JAG2: variants seen among roughly 807,000 people sequenced by gnomAD.
The protein encoded by JAG2 is protein jagged-2.
JAG2 carries 46 observed loss-of-function variants against 141.7 expected under a neutral mutation model. That is an observed-to-expected ratio of 0.32 (90% confidence interval 0.26 to 0.42). The LOEUF (loss-of-function observed/expected upper bound fraction) is 0.42, where lower values mean the gene tolerates loss of function less well. Among genes scored for constraint, JAG2 ranks in the 10% least tolerant of loss-of-function variants. The pLI is 1.00. For missense variants in JAG2, 1,500 were observed against 1,817.5 expected, an observed-to-expected ratio of 0.83 and a Z score of 3.18; for synonymous variants, 862 against 763.5, an observed-to-expected ratio of 1.13 and a Z score of -2.13.
At position 105,151,392 on chromosome 14, in the gene JAG2, G is replaced by C. The variant is rs766629604; in HGVS notation, c.1158C>G (p.Ile386Met). The change falls in exon 9 of 26, where the codon ATC (isoleucine) becomes ATG (methionine). Residue 386 changes from isoleucine (I) to methionine (M), a missense_variant. Physicochemically the swap from Ile to Met is conservative, Grantham distance 10. This residue lies in a region of JAG2 where 875 missense variants were observed against 1,202.2 expected (regional missense o/e 0.73). Transcript: ENST00000331782. ...CACACGGGTTCGAAGCACACTCATC[G>C]ATGTCTGCAGAGGGTGGAGAAAGGT... ...GWSGPTCALD[I>M]DECASNPCAA... 3.1e-6 allele frequency: 5 copies of C among 1,610,070 alleles called. No homozygotes were observed. The highest frequency in any genetic ancestry group is 2.2e-5 in the South Asian group (2 of 91,064).
chr14:105,143,316 C>T (rs867886415), intron 25 of JAG2, 146 bp from the exon 26 acceptor site: 174 of 1,309,552 alleles, frequency 1.3e-4, no homozygotes, highest in Non-Finnish European at 1.7e-4. Flanking sequence ...GGTCCCAGGA[C>T]GGGGGCTGGG....
At chr14:105,163,465 GC>G (rs1888817472) in intron 2 of JAG2, among the ~76,000 whole-genome samples, 1 of 152,292 alleles carries the variant, frequency 6.6e-6, no homozygotes, top group Non-Finnish European at 1.5e-5. Flanking sequence ...GCCAGGGCCG[GC>G]TAGCACCTGC....
At chr14:105,145,371 G>A (rs1012753528) in intron 23 of JAG2, among the ~76,000 whole-genome samples, 1 of 152,190 alleles carries the variant, frequency 6.6e-6, no homozygotes, top group Non-Finnish European at 1.5e-5. Flanking sequence ...GGGAGACAGG[G>A]GCCCAGCTCC....
rs781019423 is a variant in JAG2 at position 105,168,070 on chromosome 14, C to T, written c.104G>A (p.Ser35Asn). 2 of 1,589,024 alleles carry T rather than the reference C, an allele frequency of 1.3e-6. No individual in the cohort carries two copies. Among genetic ancestry groups the T allele is most frequent in the Non-Finnish European group, 1.7e-6 (2 of 1,175,274 alleles). Residue 35 changes from serine to asparagine, a missense_variant, in exon 2 of 26, where the codon AGC becomes AAC. Physicochemically the swap from Ser to Asn is conservative, Grantham distance 46. Around this residue, in one of 3 missense-constraint regions of JAG2, gnomAD observed 200 missense variants for 174.3 expected, o/e 1.15. Transcript: ENST00000331782. The part of the protein sequence containing the change: ...RPMGYFELQL[S>N]ALRNVNGELL... ...CTCCCCGTTCACGTTCCGCAGCGCG[C>T]TCAGCTGCAGCTCGAAATAGCCCAT...
In JAG2 at chr14:105,143,653, G is replaced by A. The variant is rs139094933; in HGVS notation, c.3085-15C>T. On this transcript the variant is annotated splice_polypyrimidine_tract_variant and intron_variant, in intron 24 of 25. Transcript: ENST00000331782. The stretch of plus-strand genomic sequence containing the variant: ...GGGCTGAAGGACTGCGGCAAAGAAC[G>A]GCATTGTGGGGATGGCTCGAGGGCT... 1.4e-5 allele frequency: 23 copies of A among 1,604,916 alleles called. No individual in the cohort carries two copies. Among genetic ancestry groups the A allele is most frequent in the Admixed American group, 5.0e-5 (3 of 59,910 alleles).
In JAG2 at chr14:105,148,866, G is replaced by C; in HGVS notation, c.1907-8C>G. ...CCAGGCAGTCGTCAATGTCTGCAGA[G>C]GCGAGCGGGGTGAGCCAGGGCCTCA... On this transcript the variant is annotated splice_region_variant and splice_polypyrimidine_tract_variant and intron_variant, in intron 14 of 25. Coordinates refer to ENST00000331782, the MANE Select transcript of JAG2 (RefSeq NM_002226.5). 1 of 1,587,144 alleles carries C rather than the reference G, an allele frequency of 6.3e-7. No individual in the cohort carries two copies. Among genetic ancestry groups the C allele is most frequent in the Non-Finnish European group, 8.6e-7 (1 of 1,167,694 alleles).
chr14:105,143,040 G>A lies in JAG2; in HGVS notation c.3372C>T (p.Ala1124=), dbSNP rs1888110567. 6.2e-7 allele frequency: 1 copy of A among 1,604,622 alleles called. No individual in the cohort carries two copies. The highest frequency in any genetic ancestry group is 8.5e-7 in the Non-Finnish European group (1 of 1,179,664). The change falls in exon 26 of 26, where the codon GCC becomes GCT. Residue 1124 remains alanine (A), a synonymous_variant. Coordinates refer to ENST00000331782, the MANE Select transcript of JAG2 (RefSeq NM_002226.5). ...ERSRLPREES[A]NNQWAPLNPI... is the part of the protein sequence containing the mutation. ...GGTTGAGCGGGGCCCACTGGTTGTT[G>A]GCGCTCTCCTCCCGCGGCAGCCGGC... is the stretch of plus-strand genomic sequence containing the variant.
chr14:105,158,607 A>C (rs915879487), intron 2 of JAG2, among the ~76,000 whole-genome samples: 9 of 152,140 alleles, frequency 5.9e-5, no homozygotes, highest in Admixed American at 6.5e-5. Context: ...ATGCTCAGAC[A>C]GGTGGGACCC....
In JAG2 at chr14:105,142,631, G is replaced by A. The variant is rs587775562; in HGVS notation, c.*64C>T. On this transcript the variant is annotated 3_prime_UTR_variant, in exon 26 of 26. Transcript: ENST00000331782. The stretch of plus-strand genomic sequence containing the variant: ...AACTATGCACATGGCCTCGGCCTCC[G>A]GGTCCGGCAGACGGCATGGCTCCCA... 72 of 1,283,114 alleles carry A rather than the reference G, an allele frequency of 5.6e-5. 1 individual carries two copies. In the African/African-American group the frequency reaches 8.8e-4, roughly 16 times the overall value. 79.5% of individuals were successfully genotyped at this position (1,283,114 alleles called of 1,614,324 possible). A position where few individuals can be genotyped will look rare whatever the true frequency, so the allele number is the denominator to read the frequency against.
Position 105,142,905 on chromosome 14 carries a change from G to C in JAG2, c.3507C>G (p.Ala1169=), listed in dbSNP as rs776001121. The change falls in exon 26 of 26, where the codon GCC becomes GCG. Residue 1169 remains alanine, a synonymous_variant. Transcript: ENST00000331782. Reference sequence around the variant, plus strand: ...CATCCTCCCTGACGGCCGCGTGGCCGGCCGGCCCGGGCAGCGCCTCGTCCG... The same window carrying C: ...CATCCTCCCTGACGGCCGCGTGGCCCGCCGGCCCGGGCAGCGCCTCGTCCG... ...RRADEALPGP[A]GHAAVREDEE... The C allele has an allele frequency of 6.2e-7, 1 of 1,603,118 alleles. No homozygotes were observed. The highest frequency in any genetic ancestry group is 8.5e-7 in the Non-Finnish European group (1 of 1,175,128).
chr14:105,167,827 C>A lies in JAG2; in HGVS notation c.347G>T (p.Arg116Leu). ...PPAGAAGDRA[R>L]ARARAGGDQD... ...GTCGCCGCCGGCCCGGGCCCGCGCC[C>A]GCGCTCGGTCCCCCGCAGCGCCCGC... Residue 116 changes from arginine (R) to leucine (L), a missense_variant, in exon 2 of 26, where the codon CGG (arginine) becomes CTG (leucine). Arg to Leu is a moderately radical substitution (Grantham distance 102). Coordinates refer to ENST00000331782, the MANE Select transcript of JAG2 (RefSeq NM_002226.5). The surrounding 1 kb of genome is among the most constrained non-coding windows in gnomAD (Gnocchi z 4.8). The A allele has an allele frequency of 6.8e-7, 1 of 1,473,888 alleles. No homozygotes were observed. The highest frequency in any genetic ancestry group is 8.9e-7 in the Non-Finnish European group (1 of 1,117,464). The allele number at this position is 1,473,888 out of a possible 1,614,324, so 91.3% of individuals were successfully genotyped here.
chr14:105,156,049 A>G, intron 3 of JAG2, 60 bp from the exon 4 acceptor site: 1 of 1,585,846 alleles, frequency 6.3e-7, no homozygotes, highest in Non-Finnish European at 8.5e-7. Context: ...GGGGTCCTCC[A>G]GGAACAACGG....
At position 105,142,741 on chromosome 14, in the gene JAG2, C is replaced by T. The variant is rs928724782; in HGVS notation, c.3671G>A (p.Arg1224His). ...HWASGPKVDN[R>H]AVRSINEARY... is the part of the protein sequence containing the mutation. ...GGCCTCATTGATGCTCCTGACCGCG[C>T]GGTTGTCCACTTTGGGGCCTGAGGC... Residue 1224 changes from arginine to histidine, a missense_variant, in exon 26 of 26, where the codon CGC becomes CAC. Transcript: ENST00000331782. 1.2e-5 allele frequency: 20 copies of T among 1,609,288 alleles called. No homozygotes were observed. The highest frequency in any genetic ancestry group is 6.7e-5 in the African/African-American group (5 of 74,838).
Position 105,154,841 on chromosome 14 carries a change from T to C in JAG2, c.788+721A>G, listed in dbSNP as rs1888532863. On this transcript the variant is annotated intron_variant, in intron 5 of 25. Transcript: ENST00000331782. This position sits in a 1 kb window ranked among gnomAD's most constrained non-coding sequence, Gnocchi z 4.4. ...CTCTGTGGCATTCCTCCTGCCACCA[T>C]GGCTCTGCTACTCAGCAGCTTGGGG... Among the ~76,000 whole-genome samples the C allele has an allele frequency of 6.6e-6, 1 of 152,018 alleles. No homozygotes were observed. The highest frequency in any genetic ancestry group is 1.5e-5 in the Non-Finnish European group (1 of 67,964).
At chr14:105,158,211 C>T (rs1888634203) in intron 2 of JAG2, among the ~76,000 whole-genome samples, 2 of 152,134 alleles carry the variant, frequency 1.3e-5, no homozygotes, top group African/African-American at 4.8e-5. Flanking sequence ...CGGGGGAGAA[C>T]GTGGGGCCCC....
rs1039887515 is a variant in JAG2 at position 105,168,684 on chromosome 14, G to GCGA, written c.-267_-265dup. The stretch of plus-strand genomic sequence containing the variant: ...TGCCCGGCCCGGCTCCCACCCGGCG[G>GCGA]CGACGGCGGCGGCGGTGAAGGCAGC... On this transcript the variant is annotated 5_prime_UTR_variant, in exon 1 of 26. Transcript: ENST00000331782. The GCGA allele has an allele frequency of 6.5e-6, 1 of 153,310 alleles. No individual in the cohort carries two copies. The highest frequency in any genetic ancestry group is 1.4e-5 in the Non-Finnish European group (1 of 70,328). 9.5% of individuals were successfully genotyped at this position (153,310 alleles called of 1,614,324 possible).
chr14:105,142,670 G>A lies in JAG2; in HGVS notation c.*25C>T, dbSNP rs1247074738. 2 of 1,560,246 alleles carry A rather than the reference G, an allele frequency of 1.3e-6. No homozygotes were observed. Among genetic ancestry groups the A allele is most frequent in the South Asian group, 1.2e-5 (1 of 86,196 alleles). On this transcript the variant is annotated 3_prime_UTR_variant, in exon 26 of 26. Coordinates refer to ENST00000331782, the MANE Select transcript of JAG2 (RefSeq NM_002226.5). ...GCATGGCTCCCACCGAGGGCCCTGGGTCCCGGCCCAGCTGGCAGCCGCCCC... is the reference window on the plus strand; with the variant it reads ...GCATGGCTCCCACCGAGGGCCCTGGATCCCGGCCCAGCTGGCAGCCGCCCC...
Position 105,154,998 on chromosome 14 carries a change from TCCC to T in JAG2, c.788+561_788+563del, listed in dbSNP as rs1888537953. Among the ~76,000 whole-genome samples, 2 of 8,834 alleles carry T rather than the reference TCCC, an allele frequency of 2.3e-4. No individual in the cohort carries two copies. Among genetic ancestry groups the T allele is most frequent in the Non-Finnish European group, 4.5e-4 (2 of 4,472 alleles). 5.8% of individuals were successfully genotyped at this position (8,834 alleles called of 152,430 possible). On this transcript the variant is annotated intron_variant, in intron 5 of 25. Transcript: ENST00000331782. The surrounding 1 kb of genome is among the most constrained non-coding windows in gnomAD (Gnocchi z 4.4). ...ACCCCCTCCCCATCCCGCTGGCCCC[TCCC>T]CCACCACCCCCACATGCCCCACAGC...
chr14:105,155,747 A>C lies in JAG2; in HGVS notation c.718T>G (p.Cys240Gly). The C allele has an allele frequency of 6.2e-7, 1 of 1,612,318 alleles. No individual in the cohort carries two copies. Among genetic ancestry groups the C allele is most frequent in the Non-Finnish European group, 8.5e-7 (1 of 1,179,758 alleles). ...ACMDGWMGKE[C>G]KEAVCKQGCN... is the part of the protein sequence containing the mutation. ...CCAGCGGCCCCCTCACCTTCCTTGC[A>C]CTCCTTGCCCATCCAGCCGTCCATG... Residue 240 changes from cysteine to glycine, a missense_variant, in exon 4 of 26, where the codon TGC becomes GGC. Transcript: ENST00000331782.
Sources: allele counts gnomAD v4.1 joint callset (sites outside exome capture counted in the v4.1 genomes callset), GRCh38; gene constraint gnomAD v4.1.1; regional missense constraint gnomAD v4.1.1; non-coding constraint Gnocchi (gnomAD v3.1); transcripts MANE v1.5; gene names NCBI Gene and HGNC (gene_info 2026-07-23, HGNC 2026-07-21).